Variants in SPDEF observed in about 807,000 individuals in gnomAD.
SPDEF encodes SAM pointed domain containing ETS transcription factor, also known as SAM pointed domain-containing Ets transcription factor.
A neutral mutation model predicts 36.0 loss-of-function variants in SPDEF; 12 were observed. That is an observed-to-expected ratio of 0.33 (90% CI 0.21 to 0.54). The LOEUF (loss-of-function observed/expected upper bound fraction) is 0.54. SPDEF is among the 20% of genes least tolerant of loss of function. The pLI, the probability that SPDEF is intolerant of heterozygous loss-of-function variation, is 0.93. For synonymous variants in SPDEF, 205 were observed against 193.0 expected, an observed-to-expected ratio of 1.06 and a Z score of -0.51; for missense variants, 388 against 456.9, an observed-to-expected ratio of 0.85 and a Z score of 1.37.
At position 34,544,616 on chromosome 6, in the gene SPDEF, A is replaced by AT; in HGVS notation, c.-29-133dup. 1.5e-6 allele frequency: 1 copy of AT among 672,232 alleles called. No homozygotes were observed. Among genetic ancestry groups the AT allele is most frequent in the Non-Finnish European group, 2.3e-6 (1 of 430,148 alleles). 41.6% of individuals were successfully genotyped at this position (672,232 alleles called of 1,614,324 possible). ...GGACAGAGTTGGGGGCTTCCGGGTCATTGGGCAGCCACGACATGGTTGGGC... is the reference window on the plus strand; with the variant it reads ...GGACAGAGTTGGGGGCTTCCGGGTCATTTGGGCAGCCACGACATGGTTGGGC... On this transcript the variant is annotated intron_variant, in intron 1 of 5. Transcript: ENST00000374037. The surrounding 1 kb of genome is among the most constrained non-coding windows in gnomAD (Gnocchi z 4.4).
At position 34,539,123 on chromosome 6, in the gene SPDEF, C is replaced by T; in HGVS notation, c.829+127G>A. 2 of 1,121,844 alleles carry T rather than the reference C, an allele frequency of 1.8e-6. No individual in the cohort carries two copies. The highest frequency in any genetic ancestry group is 2.6e-6 in the Non-Finnish European group (2 of 778,808). 69.5% of individuals were successfully genotyped at this position (1,121,844 alleles called of 1,614,324 possible). The stretch of plus-strand genomic sequence containing the variant: ...CCCATGAGAGCTGCATATTTGGCAT[C>T]TAGGACAAAGGTGGGGATCAGCTTC... On this transcript the variant is annotated intron_variant, in intron 5 of 5. Coordinates refer to ENST00000374037, the MANE Select transcript of SPDEF (RefSeq NM_012391.3). The surrounding 1 kb of genome is among the most constrained non-coding windows in gnomAD (Gnocchi z 5.2).
At chr6:34,541,517 T>C (rs1166870732) in intron 2 of SPDEF, among the ~76,000 whole-genome samples, 1 of 152,212 alleles carries the variant, frequency 6.6e-6, no homozygotes, top group Admixed American at 6.5e-5. Context: ...AGAGGGACAG[T>C]GACACTCTAC....
At chr6:34,540,130 G>A (rs1463568411) in intron 3 of SPDEF, among the ~76,000 whole-genome samples, 10 of 152,162 alleles carry the variant, frequency 6.6e-5, no homozygotes, top group South Asian at 2.1e-4. Context: ...GTGAAAACCC[G>A]TCTCTACCAA....
intron 2 of SPDEF, among the ~76,000 whole-genome samples, chr6:34,543,144 C>T (rs1280241110): frequency 1.3e-4 from 18 of 137,958 alleles, no homozygotes; most frequent in Admixed American, 3.1e-4. Flanking sequence ...GTGAGTGAGC[C>T]GAGATTGCAC....
At chr6:34,548,895 T>A (rs1299362514) in intron 1 of SPDEF, among the ~76,000 whole-genome samples, 1 of 152,116 alleles carries the variant, frequency 6.6e-6, no homozygotes, top group Non-Finnish European at 1.5e-5. Context: ...TGGGGACACA[T>A]GTGCACTGGA....
At chr6:34,541,946 G>A (rs1396228771) in intron 2 of SPDEF, among the ~76,000 whole-genome samples, 1 of 152,212 alleles carries the variant, frequency 6.6e-6, no homozygotes, top group Non-Finnish European at 1.5e-5. Context: ...TCCAGCCAGT[G>A]TCCCAGCTGG....
chr6:34,548,425 A>C (rs1412447198), intron 1 of SPDEF, among the ~76,000 whole-genome samples: 1 of 151,932 alleles, frequency 6.6e-6, no homozygotes, highest in African/African-American at 2.4e-5. Context: ...GCACCCTTTC[A>C]TCAGACACCC....
chr6:34,545,709 A>G (rs900104536), intron 1 of SPDEF, among the ~76,000 whole-genome samples: 7 of 152,212 alleles, frequency 4.6e-5, no homozygotes, highest in African/African-American at 1.7e-4. Flanking sequence ...CAGGAGTTCG[A>G]GACCAGCCTG....
chr6:34,547,015 C>T (rs1767968135), intron 1 of SPDEF, among the ~76,000 whole-genome samples: 1 of 150,582 alleles, frequency 6.6e-6, no homozygotes, highest in South Asian at 2.1e-4. Flanking sequence ...GCCCCCCACC[C>T]CTCCTTCATC....
intron 2 of SPDEF, among the ~76,000 whole-genome samples, 200 bp from the exon 3 acceptor site, chr6:34,541,381 TA>T (rs1415781993): frequency 6.6e-6 from 1 of 152,074 alleles, no homozygotes; most frequent in Non-Finnish European, 1.5e-5. Context: ...ACCAGGGCCC[TA>T]AAAAATGAAC....
At position 34,555,614 on chromosome 6, in the gene SPDEF, G is replaced by A. The variant is rs992986208; in HGVS notation, c.-30+315C>T. ...CAGAACTGGCTGGGTCTCAGGGGCC[G>A]GGGCTCTGCATCTGCACGGCGGCCT... On this transcript the variant is annotated intron_variant, in intron 1 of 5. Transcript: ENST00000374037. This position sits in a 1 kb window ranked among gnomAD's most constrained non-coding sequence, Gnocchi z 5.2. Among the ~76,000 whole-genome samples the A allele has an allele frequency of 3.9e-5, 6 of 152,276 alleles. No individual in the cohort carries two copies. The highest frequency in any genetic ancestry group is 7.4e-5 in the Non-Finnish European group (5 of 68,014).
At chr6:34,551,462 TCA>T (rs1209503601) in intron 1 of SPDEF, among the ~76,000 whole-genome samples, 1 of 152,196 alleles carries the variant, frequency 6.6e-6, no homozygotes, top group Non-Finnish European at 1.5e-5. Flanking sequence ...CCTCCAGCCC[TCA>T]GTCTCCTGCT....
At position 34,555,732 on chromosome 6, in the gene SPDEF, G is replaced by T. The variant is rs1304816842; in HGVS notation, c.-30+197C>A. 6.6e-6 allele frequency among the ~76,000 whole-genome samples: 1 copy of T among 152,148 alleles called. No individual in the cohort carries two copies. The highest frequency in any genetic ancestry group is 6.5e-5 in the Admixed American group (1 of 15,282). ...CCAGCATGTAGAGTTGGCCCAGAGAGGCAGTCTGGGGAGCATGAGGAGGGG... is the reference window on the plus strand; with the variant it reads ...CCAGCATGTAGAGTTGGCCCAGAGATGCAGTCTGGGGAGCATGAGGAGGGG... On this transcript the variant is annotated intron_variant, in intron 1 of 5. Transcript: ENST00000374037. This position sits in a 1 kb window ranked among gnomAD's most constrained non-coding sequence, Gnocchi z 5.2.
At chr6:34,547,894 G>A (rs1487047209) in intron 1 of SPDEF, among the ~76,000 whole-genome samples, 1 of 152,200 alleles carries the variant, frequency 6.6e-6, no homozygotes, top group East Asian at 1.9e-4. Context: ...GGTTAACTGT[G>A]TGGTTGGAGG....
chr6:34,554,353 T>A (rs1768123977), intron 1 of SPDEF, among the ~76,000 whole-genome samples: 2 of 152,034 alleles, frequency 1.3e-5, no homozygotes, highest in Admixed American at 1.3e-4. Flanking sequence ...ACTGAGCACC[T>A]ACTGAGTGCA....
Position 34,555,535 on chromosome 6 carries a change from G to T in SPDEF, c.-30+394C>A, listed in dbSNP as rs1208341117. 6.6e-6 allele frequency among the ~76,000 whole-genome samples: 1 copy of T among 152,196 alleles called. No homozygotes were observed. Among genetic ancestry groups the T allele is most frequent in the Non-Finnish European group, 1.5e-5 (1 of 68,032 alleles). ...TGGCACCAGGGAGACCCTTTCCTCA[G>T]CAGAGCAGCTGGGTTGGCAGCAGCA... On this transcript the variant is annotated intron_variant, in intron 1 of 5. Coordinates refer to ENST00000374037, the MANE Select transcript of SPDEF (RefSeq NM_012391.3). The surrounding 1 kb of genome is among the most constrained non-coding windows in gnomAD (Gnocchi z 5.2).
rs1561975430 is a variant in SPDEF at position 34,538,234 on chromosome 6, G to C, written c.*40C>G. The C allele has an allele frequency of 6.3e-7, 1 of 1,589,952 alleles. No individual in the cohort carries two copies. The highest frequency in any genetic ancestry group is 8.6e-7 in the Non-Finnish European group (1 of 1,164,108). ...TGGCTGAGGCAGGGCAGGCAGGAGA[G>C]AGGCCCCTGAGGGCGGGTTTCAGGC... is the stretch of plus-strand genomic sequence containing the variant. On this transcript the variant is annotated 3_prime_UTR_variant, in exon 6 of 6. Transcript: ENST00000374037. The surrounding 1 kb of genome is among the most constrained non-coding windows in gnomAD (Gnocchi z 5.9).
intron 3 of SPDEF, 138 bp downstream of exon 3, chr6:34,540,846 A>T (rs542278752): frequency 1.3e-6 from 1 of 787,268 alleles, no homozygotes; most frequent in Non-Finnish European, 2.0e-6. Context: ...AGGCAGCTGA[A>T]ACTGGGGCTG....
At chr6:34,554,739 T>C (rs905172951) in intron 1 of SPDEF, among the ~76,000 whole-genome samples, 1 of 152,264 alleles carries the variant, frequency 6.6e-6, no homozygotes, top group Non-Finnish European at 1.5e-5. Context: ...GGCTGAACCA[T>C]GGCCTGGGCC....
Sources: gnomAD v4.1 joint callset for allele counts (sites outside exome capture counted in the v4.1 genomes callset) on GRCh38, gnomAD v4.1.1 for gene constraint, Gnocchi (gnomAD v3.1) non-coding constraint, MANE v1.5 for transcripts, NCBI Gene and HGNC (gene_info 2026-07-23, HGNC 2026-07-21) for gene names.